FSD1: variants seen among roughly 807,000 people sequenced by gnomAD.
FSD1 encodes fibronectin type III and SPRY domain-containing protein 1.
In FSD1, 23 loss-of-function variants were observed where a neutral mutation model predicts 58.2. That is an observed-to-expected ratio of 0.40 (90% CI 0.28 to 0.56). The LOEUF (loss-of-function observed/expected upper bound fraction) is 0.56. FSD1 is among the 20% of genes least tolerant of loss of function. The probability of loss-of-function intolerance (pLI) is 0.54; values close to 1 mark genes in which losing one functional copy is unlikely to be tolerated. For missense variants in FSD1, 563 were observed against 670.8 expected, an observed-to-expected ratio of 0.84 and a Z score of 1.78; for synonymous variants, 265 against 263.4, an observed-to-expected ratio of 1.01 and a Z score of -0.06.
chr19:4,310,242 T>C, intron 4 of FSD1, 31 bp from the exon 5 acceptor site: 2 of 1,613,748 alleles, frequency 1.2e-6, no homozygotes, highest in Non-Finnish European at 1.7e-6. Context: ...AAAAAAGAAA[T>C]CTTTGAATGT....
intron 6 of FSD1, 23 bp downstream of exon 6, chr19:4,310,619 G>C: frequency 6.2e-7 from 1 of 1,605,680 alleles, no homozygotes; most frequent in Non-Finnish European, 8.5e-7. Context: ...CGCACTAGAG[G>C]GCCAGGACTT....
At position 4,311,917 on chromosome 19, in the gene FSD1, C is replaced by G. The variant is rs748425183; in HGVS notation, c.566C>G (p.Pro189Arg). Residue 189 changes from proline to arginine, a missense_variant, in exon 7 of 13, where the codon CCG becomes CGG. Pro to Arg is a moderately radical substitution (Grantham distance 103). Coordinates refer to ENST00000221856, the MANE Select transcript of FSD1 (RefSeq NM_024333.3). The stretch of plus-strand genomic sequence containing the variant: ...TGTGTGACCCTGGTGTGGCGCATGC[C>G]GGATGAGGACAGCAAGATTGACCAC... ...DNCVTLVWRM[P>R]DEDSKIDHYV... 23 of 1,613,976 alleles carry G rather than the reference C, an allele frequency of 1.4e-5. 1 individual carries two copies. The South Asian group carries it at 2.5e-4, about 18-fold the overall frequency.
chr19:4,316,835 C>T (rs1971760606), intron 7 of FSD1, among the ~76,000 whole-genome samples: 1 of 152,096 alleles, frequency 6.6e-6, no homozygotes, highest in Admixed American at 6.6e-5. Context: ...ACTGCAACCT[C>T]CACCTCCCGG....
intron 7 of FSD1, among the ~76,000 whole-genome samples, chr19:4,315,417 T>C (rs1216773034): frequency 6.8e-6 from 1 of 147,952 alleles, no homozygotes; most frequent in Non-Finnish European, 1.5e-5. Flanking sequence ...CACGCCATTC[T>C]CCTGCCTCAG....
chr19:4,315,508 CCGTGTTA>C (rs1273134025), intron 7 of FSD1, among the ~76,000 whole-genome samples: 2 of 151,090 alleles, frequency 1.3e-5, no homozygotes, highest in East Asian at 3.9e-4. Flanking sequence ...CGGGTTTTCA[CCGTGTTA>C]GCCAGGATGG....
intron 7 of FSD1, among the ~76,000 whole-genome samples, chr19:4,315,804 G>T (rs1470165587): frequency 6.6e-6 from 1 of 151,322 alleles, no homozygotes; most frequent in Non-Finnish European, 1.5e-5. Context: ...TAGAGACGGG[G>T]TTTCACCTTA....
intron 2 of FSD1, 39 bp downstream of exon 2, chr19:4,306,080 G>C: frequency 1.2e-6 from 2 of 1,605,922 alleles, no homozygotes; most frequent in African/African-American, 1.3e-5. Context: ...GTAAGGGGAG[G>C]GGAGGAAGCT....
chr19:4,312,098 C>G, intron 7 of FSD1, 47 bp downstream of exon 7: 1 of 1,481,492 alleles, frequency 6.7e-7, no homozygotes, highest in Non-Finnish European at 9.2e-7. Flanking sequence ...ACAGCCACCT[C>G]TTCCAGCCTC....
At chr19:4,316,852 G>A (rs1971760832) in intron 7 of FSD1, among the ~76,000 whole-genome samples, 2 of 152,076 alleles carry the variant, frequency 1.3e-5, no homozygotes, top group African/African-American at 2.4e-5. Context: ...CCGGGTTCAG[G>A]TGATTCTCCT....
rs529510154 is a variant in FSD1, at chr19:4,311,049, CA to C, written c.490+454del. On this transcript the variant is annotated intron_variant, in intron 6 of 12. Coordinates refer to ENST00000221856, the MANE Select transcript of FSD1 (RefSeq NM_024333.3). Reference sequence around the variant, plus strand: ...GGAGCCATCAGAAAGCCCCACCCACCAGGGGGTGAGGTCCTGGGAAAACTCT... The same window carrying C: ...GGAGCCATCAGAAAGCCCCACCCACCGGGGGTGAGGTCCTGGGAAAACTCT... The C allele has an allele frequency of 3.2e-3, 518 of 162,214 alleles. 2 individuals carry two copies. Among genetic ancestry groups the C allele is most frequent in the Middle Eastern group, 0.013 (4 of 310 alleles). The allele number at this position is 162,214 out of a possible 1,614,324, so 10.0% of individuals were successfully genotyped here. A position where few individuals can be genotyped will look rare whatever the true frequency, so the allele number is the denominator to read the frequency against.
chr19:4,318,293 G>C (rs1229652957), intron 8 of FSD1, 53 bp from the exon 9 acceptor site: 10 of 1,611,816 alleles, frequency 6.2e-6, no homozygotes, highest in Middle Eastern at 3.3e-4. Context: ...GTCTCTCTCT[G>C]TGTCTCTCCG....
At position 4,321,199 on chromosome 19, in the gene FSD1, A is replaced by G. The variant is rs1364965419; in HGVS notation, c.1040-1787A>G. Among the ~76,000 whole-genome samples, 23 of 104,848 alleles carry G rather than the reference A, an allele frequency of 2.2e-4. No homozygotes were observed. The Admixed American group carries it at 2.4e-3, about 11-fold the overall frequency. The allele number at this position is 104,848 out of a possible 152,430, so 68.8% of individuals were successfully genotyped here. A position where few individuals can be genotyped will look rare whatever the true frequency, so the allele number is the denominator to read the frequency against. ...ACCTGAGGAGCATCTGGAGGGAATA[A>G]CTGCAGCCTGAGGAGTATCTGGGGG... On this transcript the variant is annotated intron_variant, in intron 10 of 12. Transcript: ENST00000221856.
At chr19:4,322,303 T>G (rs1373754655) in intron 10 of FSD1, among the ~76,000 whole-genome samples, 2 of 100,036 alleles carry the variant, frequency 2.0e-5, no homozygotes, top group Admixed American at 2.4e-4. Flanking sequence ...TCCTGAGGAG[T>G]ATCTGGGGGG....
At chr19:4,312,110 C>A in intron 7 of FSD1, 59 bp downstream of exon 7, 1 of 1,413,762 alleles carries the variant, frequency 7.1e-7, no homozygotes, top group Non-Finnish European at 9.7e-7. Context: ...TCCAGCCTCC[C>A]GTCTCGCCAT....
chr19:4,311,108 T>C (rs67305248), intron 6 of FSD1: 34,318 of 156,688 alleles, frequency 0.22, 3,957 homozygotes, highest in South Asian at 0.24. Flanking sequence ...GAATACCATG[T>C]CGTTGGGGGA....
intron 7 of FSD1, among the ~76,000 whole-genome samples, chr19:4,313,794 G>A (rs1030654969): frequency 1.3e-5 from 2 of 151,864 alleles, no homozygotes; most frequent in African/African-American, 4.8e-5. Flanking sequence ...GGGAGGCTGA[G>A]GTGGGTGGAT....
At chr19:4,313,591 G>A (rs1374391596) in intron 7 of FSD1, among the ~76,000 whole-genome samples, 4 of 151,642 alleles carry the variant, frequency 2.6e-5, no homozygotes, top group African/African-American at 4.8e-5. Context: ...GGTGGCGGGC[G>A]CCTGTAATCC....
At position 4,307,868 on chromosome 19, in the gene FSD1, C is replaced by A. The variant is rs1166752422; in HGVS notation, c.244-14C>A. The A allele has an allele frequency of 1.2e-6, 2 of 1,606,006 alleles. No homozygotes were observed. Among genetic ancestry groups the A allele is most frequent in the South Asian group, 1.1e-5 (1 of 90,200 alleles). ...GGGTGAGTTGTCCCCTCCTTTGGTG[C>A]CTGGTATCCACAGAACCAGCTGGCT... On this transcript the variant is annotated splice_polypyrimidine_tract_variant and intron_variant, in intron 3 of 12. Transcript: ENST00000221856.
At position 4,323,065 on chromosome 19, in the gene FSD1, G is replaced by A; in HGVS notation, c.1119G>A (p.Val373=). 1 of 1,611,534 alleles carries A rather than the reference G, an allele frequency of 6.2e-7. No individual in the cohort carries two copies. Among genetic ancestry groups the A allele is most frequent in the Non-Finnish European group, 8.5e-7 (1 of 1,179,700 alleles). The part of the protein sequence containing the change: ...EPDSKAFGVG[V]AYRSLGRFEQ... The stretch of plus-strand genomic sequence containing the variant: ...ACAGCAAGGCGTTCGGCGTGGGCGT[G>A]GCCTACCGCAGCCTGGGCCGCTTCG... The change falls in exon 11 of 13, where the codon GTG becomes GTA. Residue 373 remains valine (V), a synonymous_variant. Coordinates refer to ENST00000221856, the MANE Select transcript of FSD1 (RefSeq NM_024333.3). The surrounding 1 kb of genome is among the most constrained non-coding windows in gnomAD (Gnocchi z 7.7).
Sources: allele counts gnomAD v4.1 joint callset (sites outside exome capture counted in the v4.1 genomes callset), GRCh38; gene constraint gnomAD v4.1.1; non-coding constraint Gnocchi (gnomAD v3.1); transcripts MANE v1.5; gene names NCBI Gene and HGNC (gene_info 2026-07-23, HGNC 2026-07-21).